Variants in ALK observed in about 807,000 individuals in gnomAD.
The protein encoded by ALK is ALK receptor tyrosine kinase.
A neutral mutation model predicts 163.1 loss-of-function variants in ALK; 74 were observed. The observed-to-expected ratio is 0.45, with a 90% CI of 0.38 to 0.55. The LOEUF (loss-of-function observed/expected upper bound fraction) is 0.55, where lower values mean the gene tolerates loss of function less well. ALK is among the 20% of genes least tolerant of loss of function. ALK has a pLI of 0.00. For synonymous variants in ALK, 960 were observed against 843.2 expected, an observed-to-expected ratio of 1.14 and a Z score of -2.40; for missense variants, 2,063 against 2,105.3, an observed-to-expected ratio of 0.98 and a Z score of 0.39.
chr2:29,686,629 C>G (rs1678249296), intron 3 of ALK, among the ~76,000 whole-genome samples: 1 of 152,194 alleles, frequency 6.6e-6, no homozygotes, highest in African/African-American at 2.4e-5. Flanking sequence ...TCTGCTCCCC[C>G]AGCCAGTCCT....
intron 5 of ALK, among the ~76,000 whole-genome samples, chr2:29,335,969 G>T (rs1358461749): frequency 2.0e-5 from 3 of 152,184 alleles, no homozygotes; most frequent in Non-Finnish European, 2.9e-5. Flanking sequence ...GAACCTGGGA[G>T]GCGGAGGTTG....
chr2:29,803,176 T>G (rs1664528479), intron 1 of ALK, among the ~76,000 whole-genome samples: 1 of 152,176 alleles, frequency 6.6e-6, no homozygotes, highest in Non-Finnish European at 1.5e-5. Flanking sequence ...AAACAAAAAG[T>G]GGCAATTTGG....
At chr2:29,756,983 A>G (rs1193586015) in intron 1 of ALK, among the ~76,000 whole-genome samples, 2 of 152,330 alleles carry the variant, frequency 1.3e-5, no homozygotes, top group East Asian at 3.9e-4. Context: ...GGAGAGGTAA[A>G]TGCTGTGATG....
At chr2:29,635,172 G>T (rs1461222947) in intron 3 of ALK, among the ~76,000 whole-genome samples, 1 of 152,172 alleles carries the variant, frequency 6.6e-6, no homozygotes, top group Admixed American at 6.6e-5. Context: ...TTCATGGATT[G>T]GAAGTCTTAA....
chr2:29,248,750 C>G (rs115628929), intron 12 of ALK, among the ~76,000 whole-genome samples: 1,632 of 152,298 alleles, frequency 0.011, 38 homozygotes, highest in African/African-American at 0.038. Flanking sequence ...AGAAACCTGA[C>G]TCGACTTAGA....
intron 1 of ALK, among the ~76,000 whole-genome samples, chr2:29,915,414 T>A (rs1365542261): frequency 6.6e-6 from 1 of 152,168 alleles, no homozygotes; most frequent in Non-Finnish European, 1.5e-5. Flanking sequence ...GAGACAGGGT[T>A]TCACCATGTT....
At chr2:29,197,423 T>G (rs1669049542) in intron 27 of ALK, 119 bp downstream of exon 27, 1 of 1,464,134 alleles carries the variant, frequency 6.8e-7, no homozygotes, top group Non-Finnish European at 9.3e-7. Context: ...TCTTGGGGCA[T>G]ATTAAAGGGA....
At chr2:29,824,857 T>A (rs189764033) in intron 1 of ALK, among the ~76,000 whole-genome samples, 4 of 151,922 alleles carry the variant, frequency 2.6e-5, no homozygotes, top group African/African-American at 7.2e-5. Flanking sequence ...TGGGAATGCA[T>A]GATTGTTTTG....
chr2:29,485,013 T>C (rs1156501829), intron 4 of ALK, among the ~76,000 whole-genome samples: 2 of 152,162 alleles, frequency 1.3e-5, no homozygotes, highest in Non-Finnish European at 1.5e-5. Flanking sequence ...TGTCTAGGAG[T>C]AGATGTATCT....
chr2:29,284,922 C>T (rs137927420), intron 9 of ALK, among the ~76,000 whole-genome samples: 15 of 152,314 alleles, frequency 9.8e-5, no homozygotes, highest in African/African-American at 2.9e-4. Context: ...TGCACAATCT[C>T]GTTCAGGCAA....
At chr2:29,279,836 T>G (rs564050477) in intron 9 of ALK, among the ~76,000 whole-genome samples, 1 of 152,326 alleles carries the variant, frequency 6.6e-6, no homozygotes, top group East Asian at 1.9e-4. Flanking sequence ...GCCTCAGGTC[T>G]GGAGTTCTAC....
chr2:29,364,247 A>T (rs1310017552), intron 5 of ALK, among the ~76,000 whole-genome samples: 1 of 152,184 alleles, frequency 6.6e-6, no homozygotes, highest in Non-Finnish European at 1.5e-5. Flanking sequence ...TTGGGTCATG[A>T]TAACACCTGG....
chr2:29,825,102 T>C (rs1665161488), intron 1 of ALK, among the ~76,000 whole-genome samples: 1 of 152,226 alleles, frequency 6.6e-6, no homozygotes, highest in African/African-American at 2.4e-5. Context: ...TTTCTTTGCC[T>C]GCTGCCATCC....
intron 1 of ALK, among the ~76,000 whole-genome samples, chr2:29,883,771 G>C (rs1007429955): frequency 6.6e-6 from 1 of 152,076 alleles, no homozygotes; most frequent in African/African-American, 2.4e-5. Context: ...ACTTACATGT[G>C]AATTTTTTTC....
chr2:29,740,687 T>A (rs1007897938), intron 1 of ALK, among the ~76,000 whole-genome samples: 1 of 152,168 alleles, frequency 6.6e-6, no homozygotes, highest in South Asian at 2.1e-4. Flanking sequence ...GATAATGAGA[T>A]ATCATTCAGC....
At chr2:29,554,574 G>T (rs1285562691) in intron 3 of ALK, among the ~76,000 whole-genome samples, 1 of 152,180 alleles carries the variant, frequency 6.6e-6, no homozygotes, top group Non-Finnish European at 1.5e-5. Flanking sequence ...TTCTGGATTT[G>T]GAAAAGGGAA....
At chr2:29,483,731 T>G (rs1671718726) in intron 4 of ALK, among the ~76,000 whole-genome samples, 1 of 152,240 alleles carries the variant, frequency 6.6e-6, no homozygotes, top group African/African-American at 2.4e-5. Flanking sequence ...TATTTTAAGT[T>G]GAACCCTCCC....
chr2:29,919,452 A>G (rs1021672438), intron 1 of ALK, among the ~76,000 whole-genome samples: 7 of 152,142 alleles, frequency 4.6e-5, no homozygotes, highest in Admixed American at 3.9e-4. Flanking sequence ...GGGAGAATAA[A>G]TAAATAAAGA....
chr2:29,518,253 T>G (rs1321967844), intron 4 of ALK, among the ~76,000 whole-genome samples: 1 of 152,134 alleles, frequency 6.6e-6, no homozygotes, highest in African/African-American at 2.4e-5. Flanking sequence ...CTGATGCAAT[T>G]TACTCAGTAT....
Sources: allele counts gnomAD v4.1 joint callset (sites outside exome capture counted in the v4.1 genomes callset), GRCh38; gene constraint gnomAD v4.1.1; transcripts MANE v1.5; gene names NCBI Gene and HGNC (gene_info 2026-07-23, HGNC 2026-07-21).